DISP1: variants seen among roughly 807,000 people sequenced by gnomAD.
DISP1 encodes protein dispatched homolog 1.
DISP1 carries 30 observed loss-of-function variants against 37.3 expected under a neutral mutation model. The observed-to-expected ratio is 0.80, with a 90% CI of 0.60 to 1.09. DISP1 has a LOEUF of 1.09. DISP1 is among the 50% of genes least tolerant of loss of function. The pLI, the probability that DISP1 is intolerant of heterozygous loss-of-function variation, is 0.00. For missense variants in DISP1, 1,598 were observed against 1,879.5 expected, an observed-to-expected ratio of 0.85 and a Z score of 2.77; for synonymous variants, 634 against 690.2, an observed-to-expected ratio of 0.92 and a Z score of 1.28.
chr1:222,825,676 T>C (rs1370920136), intron 1 of DISP1, among the ~76,000 whole-genome samples: 1 of 152,000 alleles, frequency 6.6e-6, no homozygotes. Context: ...AATTTTTTTG[T>C]ATATTTGGTA....
At chr1:222,845,699 T>C (rs1055311434) in intron 1 of DISP1, among the ~76,000 whole-genome samples, 2 of 152,210 alleles carry the variant, frequency 1.3e-5, no homozygotes, top group Non-Finnish European at 2.9e-5. Context: ...TATGTGTATG[T>C]ATTTGTGTGT....
At chr1:222,896,382 C>A (rs992857323) in intron 1 of DISP1, among the ~76,000 whole-genome samples, 1 of 151,966 alleles carries the variant, frequency 6.6e-6, no homozygotes, top group Non-Finnish European at 1.5e-5. Context: ...AGGTAGATCA[C>A]CTGAGGTCAG....
At chr1:222,841,175 C>T (rs1553315961) in intron 1 of DISP1, among the ~76,000 whole-genome samples, 1 of 152,026 alleles carries the variant, frequency 6.6e-6, no homozygotes, top group Non-Finnish European at 1.5e-5. Flanking sequence ...GTAAATTTTT[C>T]TTTTGTTAGC....
intron 1 of DISP1, among the ~76,000 whole-genome samples, chr1:222,909,291 TC>T (rs1270005898): frequency 3.9e-5 from 6 of 152,186 alleles, no homozygotes; most frequent in African/African-American, 1.4e-4. Flanking sequence ...ACCTATCAGC[TC>T]CCTGGTTGCC....
chr1:222,843,086 G>A (rs977142054), intron 1 of DISP1, among the ~76,000 whole-genome samples: 3 of 151,834 alleles, frequency 2.0e-5, no homozygotes, highest in Non-Finnish European at 2.9e-5. Flanking sequence ...ATTACTTACC[G>A]AGGACTTTAA....
intron 8 of DISP1, among the ~76,000 whole-genome samples, chr1:222,999,859 C>T (rs986044452): frequency 2.6e-5 from 4 of 152,110 alleles, no homozygotes; most frequent in African/African-American, 4.8e-5. Flanking sequence ...TATGAGTTCT[C>T]GAAAACTGGT....
chr1:222,898,696 A>C (rs1301887582), intron 1 of DISP1, among the ~76,000 whole-genome samples: 2 of 151,994 alleles, frequency 1.3e-5, no homozygotes, highest in African/African-American at 2.4e-5. Context: ...GGTTTAAAAC[A>C]TTTTCAAATG....
At chr1:222,908,415 AT>A (rs1209619531) in intron 1 of DISP1, among the ~76,000 whole-genome samples, 1 of 151,866 alleles carries the variant, frequency 6.6e-6, no homozygotes, top group Non-Finnish European at 1.5e-5. Context: ...CAGTTGGATG[AT>A]TTTTTTTGAG....
At chr1:222,819,636 T>G (rs557698547) in intron 1 of DISP1, among the ~76,000 whole-genome samples, 1 of 150,146 alleles carries the variant, frequency 6.7e-6, no homozygotes, top group South Asian at 2.1e-4. Context: ...GCCTCCTGGG[T>G]TCAAACGATG....
intron 1 of DISP1, among the ~76,000 whole-genome samples, chr1:222,853,783 A>G (rs1382366133): frequency 1.3e-5 from 2 of 152,188 alleles, no homozygotes; most frequent in Admixed American, 1.3e-4. Flanking sequence ...GTTAAGGGAT[A>G]CAAAATTACA....
intron 3 of DISP1, among the ~76,000 whole-genome samples, chr1:222,957,752 C>T (rs1251810934): frequency 6.6e-6 from 1 of 152,166 alleles, no homozygotes; most frequent in East Asian, 1.9e-4. Context: ...GATCTCTCCC[C>T]TATTCCTGCC....
chr1:222,873,467 G>T (rs1193632343), intron 1 of DISP1, among the ~76,000 whole-genome samples: 2 of 152,176 alleles, frequency 1.3e-5, no homozygotes, highest in Non-Finnish European at 2.9e-5. Flanking sequence ...CCTGTATTGG[G>T]TGCATATATA....
intron 1 of DISP1, among the ~76,000 whole-genome samples, chr1:222,846,366 C>T (rs1451770488): frequency 1.3e-5 from 2 of 152,204 alleles, no homozygotes. Context: ...TGGCGCATGC[C>T]TGTAATCCCA....
chr1:222,831,222 C>T (rs754878103), intron 1 of DISP1, among the ~76,000 whole-genome samples: 6 of 152,164 alleles, frequency 3.9e-5, no homozygotes, highest in Admixed American at 6.5e-5. Context: ...AGAATTTCAG[C>T]ACCATTATCT....
rs762515193 is a variant in DISP1, at chr1:222,942,987, G to A, written c.164G>A (p.Cys55Tyr). The change falls in exon 3 of 9, where the codon TGC becomes TAC. Residue 55 changes from cysteine to tyrosine, a missense_variant. Physicochemically the swap from Cys to Tyr is radical, Grantham distance 194. Transcript: ENST00000675850. ...ATRTKVSPNG[C>Y]LQLNGTVKSS... is the part of the protein sequence containing the mutation. ...AGAACAAAAGTGAGTCCAAATGGATGCCTGCAACTTAATGGCACGGTCAAA... is the reference window on the plus strand; with the variant it reads ...AGAACAAAAGTGAGTCCAAATGGATACCTGCAACTTAATGGCACGGTCAAA... 6.8e-6 allele frequency: 11 copies of A among 1,614,064 alleles called. 1 individual carries two copies. The East Asian group carries it at 2.5e-4, about 36-fold the overall frequency.
At chr1:222,917,375 T>C (rs542014289) in intron 1 of DISP1, among the ~76,000 whole-genome samples, 103 of 152,054 alleles carry the variant, frequency 6.8e-4, no homozygotes, top group Admixed American at 1.3e-3. Context: ...CAGGGACAGA[T>C]AGGGTCCTAT....
At chr1:222,819,782 C>G (rs1025674824) in intron 1 of DISP1, among the ~76,000 whole-genome samples, 3 of 152,034 alleles carry the variant, frequency 2.0e-5, no homozygotes, top group Admixed American at 6.6e-5. Flanking sequence ...CTCAAGTGAT[C>G]CACCTGTCTC....
chr1:222,936,778 C>CATATATAAT (rs1491491132), intron 2 of DISP1, among the ~76,000 whole-genome samples: 5,081 of 58,194 alleles, frequency 0.087, 436 homozygotes, highest in Non-Finnish European at 0.13. Context: ...TTATATATAT[C>CATATATAAT]ATATATAATA....
Position 223,005,122 on chromosome 1 carries a change from G to A in DISP1, c.3725G>A (p.Ser1242Asn). ...HAAYNSELSKSTESDAGSALL... is the reference protein window; with the variant it reads ...HAAYNSELSKNTESDAGSALL... The stretch of plus-strand genomic sequence containing the variant: ...GCTTACAACAGTGAACTCAGCAAAA[G>A]CACTGAAAGTGACGCTGGCTCTGCC... The change falls in exon 9 of 9, where the codon AGC becomes AAC. Residue 1242 changes from serine (S) to asparagine (N), a missense_variant. Physicochemically the swap from Ser to Asn is conservative, Grantham distance 46. Transcript: ENST00000675850. The A allele has an allele frequency of 1.5e-5, 24 of 1,614,162 alleles. No homozygotes were observed. The highest frequency in any genetic ancestry group is 2.0e-5 in the Non-Finnish European group (24 of 1,180,018).
Sources: allele counts gnomAD v4.1 joint callset (sites outside exome capture counted in the v4.1 genomes callset), GRCh38; gene constraint gnomAD v4.1.1; transcripts MANE v1.5; gene names NCBI Gene and HGNC (gene_info 2026-07-23, HGNC 2026-07-21).